RBP7: variants seen among roughly 807,000 people sequenced by gnomAD.
RBP7 encodes the protein retinoid-binding protein 7.
In RBP7, 13 loss-of-function variants were observed where a neutral mutation model predicts 16.7. The ratio of observed to expected loss-of-function variants is 0.78; its 90% CI spans 0.51 to 1.24. The LOEUF (loss-of-function observed/expected upper bound fraction) is 1.24. Ranked by LOEUF, RBP7 falls within the 50% of genes most tolerant of loss-of-function variation. The pLI is 0.00. For missense variants in RBP7, 145 were observed against 159.5 expected, an observed-to-expected ratio of 0.91 and a Z score of 0.49; for synonymous variants, 54 against 56.2, an observed-to-expected ratio of 0.96 and a Z score of 0.17.
rs1642193592 is a variant in RBP7 at position 9,997,407 on chromosome 1, G to GT, written c.73+76_73+77insT. On this transcript the variant is annotated intron_variant, in intron 1 of 3. Transcript: ENST00000294435. The surrounding 1 kb of genome is among the most constrained non-coding windows in gnomAD (Gnocchi z 5.9). ...GATCAGGCGAAGGCGGCCGGGCCGG[G>GT]CCTGTAGGTACGTCCTCTGTCCGTG... 3 of 1,427,590 alleles carry GT rather than the reference G, an allele frequency of 2.1e-6. No individual in the cohort carries two copies. Among genetic ancestry groups the GT allele is most frequent in the Non-Finnish European group, 2.9e-6 (3 of 1,020,162 alleles). 88.4% of individuals were successfully genotyped at this position (1,427,590 alleles called of 1,614,324 possible). A position where few individuals can be genotyped will look rare whatever the true frequency, so the allele number is the denominator to read the frequency against.
intron 1 of RBP7, among the ~76,000 whole-genome samples, chr1:10,001,922 G>C (rs566966950): frequency 4.0e-5 from 6 of 151,878 alleles, no homozygotes; most frequent in Admixed American, 2.0e-4. Flanking sequence ...TCCGTCTCCC[G>C]GGTTCAAGCA....
chr1:10,006,417 G>A (rs1486701498), intron 1 of RBP7, among the ~76,000 whole-genome samples: 7 of 152,096 alleles, frequency 4.6e-5, no homozygotes, highest in Non-Finnish European at 7.3e-5. Flanking sequence ...GGCTGAGATA[G>A]GAGAATCACT....
intron 1 of RBP7, among the ~76,000 whole-genome samples, chr1:10,000,469 G>T (rs958933303): frequency 6.6e-6 from 1 of 151,914 alleles, no homozygotes; most frequent in Non-Finnish European, 1.5e-5. Context: ...GAGAGGTGGA[G>T]GTTGCAGTGA....
chr1:10,013,954 C>T (rs1348118089), intron 3 of RBP7, among the ~76,000 whole-genome samples: 3 of 151,906 alleles, frequency 2.0e-5, no homozygotes, highest in African/African-American at 4.8e-5. Context: ...CCAGCCTGGG[C>T]GAAGGAGTAA....
At chr1:10,008,712 T>C (rs1642523876) in intron 3 of RBP7, among the ~76,000 whole-genome samples, 1 of 151,700 alleles carries the variant, frequency 6.6e-6, no homozygotes, top group South Asian at 2.1e-4. Flanking sequence ...GTGCTGGGAT[T>C]ACAGGCATGA....
At chr1:10,007,849 C>A in intron 2 of RBP7, 101 bp downstream of exon 2, 2 of 1,063,430 alleles carry the variant, frequency 1.9e-6, no homozygotes, top group South Asian at 1.6e-5. Context: ...TAGTTTGAGA[C>A]CAGCCTGGGC....
chr1:10,001,653 T>G (rs759936562), intron 1 of RBP7, among the ~76,000 whole-genome samples: 12 of 152,032 alleles, frequency 7.9e-5, no homozygotes, highest in Non-Finnish European at 1.5e-4. Flanking sequence ...GGTGCGTGCT[T>G]CAGAAATGGA....
At chr1:10,001,504 G>C (rs1642277076) in intron 1 of RBP7, among the ~76,000 whole-genome samples, 1 of 151,904 alleles carries the variant, frequency 6.6e-6, no homozygotes, top group Non-Finnish European at 1.5e-5. Flanking sequence ...ACGGTGTCTT[G>C]CTGTGTTGTC....
chr1:10,010,780 C>A (rs996639150), intron 3 of RBP7, among the ~76,000 whole-genome samples: 3 of 148,892 alleles, frequency 2.0e-5, no homozygotes, highest in African/African-American at 7.7e-5. Context: ...GACGGGGTTT[C>A]TCCATGTTGG....
intron 1 of RBP7, chr1:10,006,955 CTT>C: frequency 6.9e-6 from 3 of 432,262 alleles, no homozygotes; most frequent in African/African-American, 2.1e-5. Context: ...CTTTTTCTTT[CTT>C]TTTTTTTGAG....
At chr1:10,006,889 G>A in intron 1 of RBP7, 2 of 398,272 alleles carry the variant, frequency 5.0e-6, no homozygotes, top group South Asian at 3.6e-5. Flanking sequence ...GGCAGAAAAA[G>A]GCAGAGTTAT....
At chr1:10,006,937 T>C (rs967904747) in intron 1 of RBP7, 1 of 438,918 alleles carries the variant, frequency 2.3e-6, no homozygotes, top group African/African-American at 2.1e-5. Context: ...CCCTGTCCCT[T>C]TGGTTTTCTT....
chr1:10,015,985 G>A lies in RBP7; in HGVS notation c.*153G>A. Reference sequence around the variant, plus strand: ...TAACCTGAAGTCATCTAGATTATGGGGAAACTGCTCAGCTTCAATAAACCT... The same window carrying A: ...TAACCTGAAGTCATCTAGATTATGGAGAAACTGCTCAGCTTCAATAAACCT... On this transcript the variant is annotated 3_prime_UTR_variant, in exon 4 of 4. Transcript: ENST00000294435. The A allele has an allele frequency of 1.6e-6, 1 of 640,826 alleles. No individual in the cohort carries two copies. The highest frequency in any genetic ancestry group is 2.8e-6 in the Non-Finnish European group (1 of 362,196). 39.7% of individuals were successfully genotyped at this position (640,826 alleles called of 1,614,324 possible). A position where few individuals can be genotyped will look rare whatever the true frequency, so the allele number is the denominator to read the frequency against.
intron 1 of RBP7, among the ~76,000 whole-genome samples, chr1:9,999,413 A>G (rs1485980964): frequency 6.6e-6 from 1 of 151,914 alleles, no homozygotes; most frequent in East Asian, 1.9e-4. Context: ...TTAGCTGGGC[A>G]TGGTGGCGGG....
rs2101736421 is a variant in RBP7 at position 10,007,652 on chromosome 1, C to A, written c.156C>A (p.Ile52=). ...AGCAGAATGGGGATTCTTTTACCAT[C>A]CACACGAACAGCAGCCTAAGGAACT... ...VIEQNGDSFT[I]HTNSSLRNYF... Residue 52 remains isoleucine (I), a synonymous_variant, in exon 2 of 4, where the codon ATC becomes ATA. Coordinates refer to ENST00000294435, the MANE Select transcript of RBP7 (RefSeq NM_052960.3). 1.2e-6 allele frequency: 2 copies of A among 1,613,914 alleles called. No individual in the cohort carries two copies. Among genetic ancestry groups the A allele is most frequent in the Non-Finnish European group, 1.7e-6 (2 of 1,179,910 alleles).
In RBP7 at chr1:9,997,429, C is replaced by G; in HGVS notation, c.73+98C>G. On this transcript the variant is annotated intron_variant, in intron 1 of 3. Coordinates refer to ENST00000294435, the MANE Select transcript of RBP7 (RefSeq NM_052960.3). This position sits in a 1 kb window ranked among gnomAD's most constrained non-coding sequence, Gnocchi z 5.9. ...CGGGCCTGTAGGTACGTCCTCTGTCCGTGCCTCCGCCCTGCTGCGCCCACC... is the reference window on the plus strand; with the variant it reads ...CGGGCCTGTAGGTACGTCCTCTGTCGGTGCCTCCGCCCTGCTGCGCCCACC... 1.7e-6 allele frequency: 2 copies of G among 1,174,064 alleles called. No individual in the cohort carries two copies. Among genetic ancestry groups the G allele is most frequent in the South Asian group, 1.3e-5 (1 of 77,442 alleles). The allele number at this position is 1,174,064 out of a possible 1,614,324, so 72.7% of individuals were successfully genotyped here.
intron 1 of RBP7, among the ~76,000 whole-genome samples, chr1:10,005,552 G>A (rs1198116720): frequency 6.6e-6 from 1 of 150,890 alleles, no homozygotes; most frequent in Non-Finnish European, 1.5e-5. Flanking sequence ...TTTTATTTTT[G>A]GTTGTTGTTG....
chr1:10,003,469 C>T (rs182987794), intron 1 of RBP7, among the ~76,000 whole-genome samples: 1 of 152,088 alleles, frequency 6.6e-6, no homozygotes, highest in African/African-American at 2.4e-5. Flanking sequence ...AAAAAACCAC[C>T]CCTTACTCTG....
At chr1:10,013,542 C>T (rs1394022931) in intron 3 of RBP7, among the ~76,000 whole-genome samples, 3 of 152,014 alleles carry the variant, frequency 2.0e-5, no homozygotes, top group Admixed American at 6.6e-5. Flanking sequence ...GGGGCAGTGG[C>T]TCATACCTGT....
Sources: allele counts gnomAD v4.1 joint callset (sites outside exome capture counted in the v4.1 genomes callset), GRCh38; gene constraint gnomAD v4.1.1; non-coding constraint Gnocchi (gnomAD v3.1); transcripts MANE v1.5; gene names NCBI Gene and HGNC (gene_info 2026-07-23, HGNC 2026-07-21).